TRPC6: variants seen among roughly 807,000 people sequenced by gnomAD.
The protein encoded by TRPC6 is transient receptor potential cation channel subfamily C member 6, also known as short transient receptor potential channel 6.
A neutral mutation model predicts 90.7 loss-of-function variants in TRPC6; 55 were observed. The ratio of observed to expected loss-of-function variants is 0.61; its 90% CI spans 0.49 to 0.76. The LOEUF is 0.76. Among genes scored for constraint, TRPC6 ranks in the 30% least tolerant of loss-of-function variants. TRPC6 has a pLI of 0.00. For synonymous variants in TRPC6, 393 were observed against 393.0 expected, an observed-to-expected ratio of 1.00 and a Z score of 0.00; for missense variants, 989 against 1,122.7, an observed-to-expected ratio of 0.88 and a Z score of 1.70.
At chr11:101,495,502 T>C (rs972768142) in intron 2 of TRPC6, among the ~76,000 whole-genome samples, 7 of 151,564 alleles carry the variant, frequency 4.6e-5, no homozygotes, top group Admixed American at 4.0e-4. Context: ...AAGGGAATAA[T>C]ATTAGTACCC....
rs201355176 is a variant in TRPC6 at position 101,489,078 on chromosome 11, T to C, written c.1152A>G (p.Gln384=). The C allele has an allele frequency of 1.2e-5, 19 of 1,614,032 alleles. No individual in the cohort carries two copies. Among genetic ancestry groups the C allele is most frequent in the Non-Finnish European group, 1.6e-5 (19 of 1,179,990 alleles). ...VKKFVAHPNC[Q]QQLLSIWYEN... is the part of the protein sequence containing the mutation. ...CATACCAAATGGAGAGAAGTTGCTG[T>C]TGGCAGTTTGGATGAGCTACAAACT... is the stretch of plus-strand genomic sequence containing the variant. The change falls in exon 4 of 13, where the codon CAA becomes CAG. Residue 384 remains glutamine, a synonymous_variant. Transcript: ENST00000344327.
rs749269664 is a variant in TRPC6 at position 101,489,076 on chromosome 11, T to C, written c.1154A>G (p.Gln385Arg). 4.3e-6 allele frequency: 7 copies of C among 1,614,186 alleles called. No homozygotes were observed. The highest frequency in any genetic ancestry group is 5.9e-6 in the Non-Finnish European group (7 of 1,179,990). Residue 385 changes from glutamine (Q) to arginine (R), a missense_variant, in exon 4 of 13, where the codon CAG becomes CGG. Transcript: ENST00000344327. ...CTCATACCAAATGGAGAGAAGTTGC[T>C]GTTGGCAGTTTGGATGAGCTACAAA... ...KKFVAHPNCQ[Q>R]QLLSIWYENL... is the part of the protein sequence containing the mutation.
In TRPC6 at chr11:101,453,551, C is replaced by G. The variant is rs997050383; in HGVS notation, c.2644+99G>C. 2.6e-6 allele frequency: 3 copies of G among 1,162,862 alleles called. No homozygotes were observed. The African/African-American group carries it at 4.5e-5, about 18-fold the overall frequency. The allele number at this position is 1,162,862 out of a possible 1,614,324, so 72.0% of individuals were successfully genotyped here. On this transcript the variant is annotated intron_variant, in intron 12 of 12. Coordinates refer to ENST00000344327, the MANE Select transcript of TRPC6 (RefSeq NM_004621.6). ...GTTCTACTTTTCCCCTTGAAGTTCA[C>G]TCTCCCTGTACGCATCTCTGCAGCT...
intron 1 of TRPC6, among the ~76,000 whole-genome samples, chr11:101,577,112 C>G (rs1442127058): frequency 6.6e-6 from 1 of 152,080 alleles, no homozygotes; most frequent in Non-Finnish European, 1.5e-5. Context: ...GTGGTTTTTA[C>G]ACGTGCTTTT....
In TRPC6 at chr11:101,491,627, G is replaced by A. The variant is rs775521973; in HGVS notation, c.1057C>T (p.Leu353Phe). Residue 353 changes from leucine to phenylalanine, a missense_variant, in exon 3 of 13, where the codon CTC (leucine) becomes TTC (phenylalanine). Physicochemically the swap from Leu to Phe is conservative, Grantham distance 22 (BLOSUM62 0). Coordinates refer to ENST00000344327, the MANE Select transcript of TRPC6 (RefSeq NM_004621.6). ...GGGCGACCGTGATCACCACTCTGGA[G>A]CGTTTCAACATCCCCATTCAGAATG... ...EAILNGDVET[L>F]QSGDHGRPNL... 4.2e-5 allele frequency: 68 copies of A among 1,613,838 alleles called. No homozygotes were observed. Among genetic ancestry groups the A allele is most frequent in the Non-Finnish European group, 5.4e-5 (64 of 1,180,016 alleles).
At chr11:101,517,559 T>A (rs1375609303) in intron 1 of TRPC6, among the ~76,000 whole-genome samples, 1 of 152,232 alleles carries the variant, frequency 6.6e-6, no homozygotes, top group Non-Finnish European at 1.5e-5. Flanking sequence ...AGTGTTTGCA[T>A]GCATGGAATA....
intron 1 of TRPC6, among the ~76,000 whole-genome samples, chr11:101,582,840 G>T (rs1862227952): frequency 6.6e-6 from 1 of 152,066 alleles, no homozygotes; most frequent in Admixed American, 6.6e-5. Context: ...AGCCCGAAAC[G>T]CTAAGCCAAG....
At chr11:101,522,863 T>A (rs182093638) in intron 1 of TRPC6, among the ~76,000 whole-genome samples, 1 of 152,194 alleles carries the variant, frequency 6.6e-6, no homozygotes, top group African/African-American at 2.4e-5. Flanking sequence ...ATAGAATTAT[T>A]TGAGAAAATC....
Position 101,504,344 on chromosome 11 carries a change from A to G in TRPC6, c.625T>C (p.Tyr209His). The G allele has an allele frequency of 2.5e-6, 4 of 1,614,072 alleles. No homozygotes were observed. The highest frequency in any genetic ancestry group is 3.4e-6 in the Non-Finnish European group (4 of 1,179,964). Residue 209 changes from tyrosine (Y) to histidine (H), a missense_variant, in exon 2 of 13, where the codon TAT becomes CAT. Physicochemically the swap from Tyr to His is moderately conservative, Grantham distance 83. Around this residue, in one of 4 missense-constraint regions of TRPC6, gnomAD observed 486 missense variants for 591.9 expected, o/e 0.82. Transcript: ENST00000344327. ...GAGAACCGTGTCCCATCTTCATCAT[A>G]GGCATAAAAATCATCTTGCTGGAGT... ...SELQQDDFYA[Y>H]DEDGTRFSHD...
chr11:101,564,958 C>T (rs1591141554), intron 1 of TRPC6, among the ~76,000 whole-genome samples: 1 of 152,012 alleles, frequency 6.6e-6, no homozygotes, highest in East Asian at 1.9e-4. Flanking sequence ...ACAAAGAAGA[C>T]ACAATGGAAG....
chr11:101,500,568 AATAGAT>A (rs1860094515), intron 2 of TRPC6, among the ~76,000 whole-genome samples: 1 of 152,144 alleles, frequency 6.6e-6, no homozygotes, highest in African/African-American at 2.4e-5. Flanking sequence ...ATATACTAAT[AATAGAT>A]ATAAAGACAA....
chr11:101,534,635 C>G (rs1490280619), intron 1 of TRPC6, among the ~76,000 whole-genome samples: 1 of 149,786 alleles, frequency 6.7e-6, no homozygotes, highest in African/African-American at 2.4e-5. Flanking sequence ...AGATTAATAA[C>G]TCCATATATT....
intron 1 of TRPC6, among the ~76,000 whole-genome samples, chr11:101,513,109 C>G (rs1860435303): frequency 1.3e-5 from 2 of 152,326 alleles, no homozygotes; most frequent in South Asian, 2.1e-4. Flanking sequence ...ACAAGGGACA[C>G]CTGACAGTGG....
intron 1 of TRPC6, among the ~76,000 whole-genome samples, chr11:101,535,874 T>C (rs1170779060): frequency 1.3e-5 from 2 of 152,208 alleles, no homozygotes; most frequent in African/African-American, 2.4e-5. Flanking sequence ...GATGACATCA[T>C]GCTTGATTTT....
At chr11:101,523,738 T>C (rs1177843075) in intron 1 of TRPC6, among the ~76,000 whole-genome samples, 1 of 152,216 alleles carries the variant, frequency 6.6e-6, no homozygotes, top group Non-Finnish European at 1.5e-5. Flanking sequence ...ACATTTGAGA[T>C]AAAATATATC....
intron 1 of TRPC6, among the ~76,000 whole-genome samples, chr11:101,569,824 GA>G (rs1464951282): frequency 6.6e-6 from 1 of 151,988 alleles, no homozygotes; most frequent in Non-Finnish European, 1.5e-5. Flanking sequence ...AAACCAACAA[GA>G]ACAAAGACAC....
intron 6 of TRPC6, among the ~76,000 whole-genome samples, chr11:101,475,027 C>A (rs1331890410): frequency 6.6e-6 from 1 of 152,170 alleles, no homozygotes; most frequent in Non-Finnish European, 1.5e-5. Context: ...CCATTGCTAT[C>A]TAGAAACTGG....
intron 1 of TRPC6, among the ~76,000 whole-genome samples, chr11:101,536,041 A>G (rs935283817): frequency 2.6e-5 from 4 of 152,262 alleles, no homozygotes; most frequent in Non-Finnish European, 5.9e-5. Context: ...ATAAGCAGAC[A>G]GACTTCTCTC....
rs7948300 is a variant in TRPC6 at position 101,473,968 on chromosome 11, A to G, written c.1745-195T>C. 0.32 allele frequency among the ~76,000 whole-genome samples: 47,971 copies of G among 152,120 alleles called. 9,159 individuals carry two copies. Among genetic ancestry groups the G allele is most frequent in the African/African-American group, 0.54 (22,489 of 41,492 alleles). ...ATTGAGAACATGACTCTCCTGGTTTACTAGCAATTTCCCATAAGGGGATAG... is the reference window on the plus strand; with the variant it reads ...ATTGAGAACATGACTCTCCTGGTTTGCTAGCAATTTCCCATAAGGGGATAG... On this transcript the variant is annotated intron_variant, in intron 6 of 12. Coordinates refer to ENST00000344327, the MANE Select transcript of TRPC6 (RefSeq NM_004621.6).
Sources: gnomAD v4.1 joint callset for allele counts (sites outside exome capture counted in the v4.1 genomes callset) on GRCh38, gnomAD v4.1.1 for gene constraint, gnomAD v4.1.1 regional missense constraint, MANE v1.5 for transcripts, NCBI Gene and HGNC (gene_info 2026-07-23, HGNC 2026-07-21) for gene names.